The following CRTAP variants were observed in gnomAD, a reference collection of about 807,000 sequenced individuals.
The protein encoded by CRTAP is cartilage associated protein, also known as cartilage-associated protein.
Under a neutral mutation model 42.7 loss-of-function variants are expected in CRTAP, and 33 were observed. That is an observed-to-expected ratio of 0.77 (90% CI 0.59 to 1.03). The LOEUF is 1.03. CRTAP is among the 50% of genes least tolerant of loss of function. The probability of loss-of-function intolerance (pLI) is 0.00; values close to 1 mark genes in which losing one functional copy is unlikely to be tolerated. For missense variants in CRTAP, 613 were observed against 533.9 expected (o/e 1.15, Z -1.46); for synonymous variants, 243 against 217.7 (o/e 1.12, Z -1.02).
chr3:33,138,336 G>A (rs1447039895), intron 6 of CRTAP, among the ~76,000 whole-genome samples: 1 of 152,118 alleles, frequency 6.6e-6, no homozygotes, highest in African/African-American at 2.4e-5. Flanking sequence ...TCTCTTTGGG[G>A]AGTATTGGCT....
At chr3:33,126,361 T>C (rs6550209) in intron 3 of CRTAP, among the ~76,000 whole-genome samples, 123,704 of 152,196 alleles carry the variant, frequency 0.81, 50,375 homozygotes, top group East Asian at 0.97. Flanking sequence ...TATTGAAGAA[T>C]CTGCATTTTT....
At chr3:33,137,069 CTTTT>C (rs143950038) in intron 6 of CRTAP, among the ~76,000 whole-genome samples, 1 of 150,122 alleles carries the variant, frequency 6.7e-6, no homozygotes, top group East Asian at 2.0e-4. Flanking sequence ...TTAATATTGT[CTTTT>C]TTTTTTAATA....
At chr3:33,121,471 A>G (rs1280954997) in intron 2 of CRTAP, among the ~76,000 whole-genome samples, 1 of 150,984 alleles carries the variant, frequency 6.6e-6, no homozygotes, top group Non-Finnish European at 1.5e-5. Context: ...TATAGTTCCC[A>G]AGGCCTGACC....
intron 6 of CRTAP, among the ~76,000 whole-genome samples, chr3:33,138,189 A>T (rs1471242985): frequency 1.3e-5 from 2 of 152,134 alleles, no homozygotes; most frequent in Admixed American, 1.3e-4. Flanking sequence ...TGAGTCCTCC[A>T]ACGTTGTTCT....
At chr3:33,136,008 C>T (rs2030409823) in intron 6 of CRTAP, among the ~76,000 whole-genome samples, 1 of 152,196 alleles carries the variant, frequency 6.6e-6, no homozygotes, top group South Asian at 2.1e-4. Flanking sequence ...AAAAGAAACT[C>T]CATAGCTAAG....
intron 6 of CRTAP, among the ~76,000 whole-genome samples, chr3:33,142,138 TCA>T (rs1411679864): frequency 6.6e-6 from 1 of 152,144 alleles, no homozygotes; most frequent in African/African-American, 2.4e-5. Context: ...GTAGAGCTGT[TCA>T]CAGGCTGGGC....
In CRTAP at chr3:33,129,985, C is replaced by A. The variant is rs751486898; in HGVS notation, c.840C>A (p.Asn280Lys). ...AATGCAAAATACAGTGTGAAGAGAA[C>A]CTCACCCCAGTTATAGGAGGCTATC... ...VLECKIQCEE[N>K]LTPVIGGYPV... is the part of the protein sequence containing the mutation. The change falls in exon 4 of 7, where the codon AAC (asparagine) becomes AAA (lysine). Residue 280 changes from asparagine to lysine, a missense_variant. Coordinates refer to ENST00000320954, the MANE Select transcript of CRTAP (RefSeq NM_006371.5). 6.2e-7 allele frequency: 1 copy of A among 1,613,080 alleles called. No homozygotes were observed. Among genetic ancestry groups the A allele is most frequent in the Non-Finnish European group, 8.5e-7 (1 of 1,179,084 alleles).
intron 1 of CRTAP, among the ~76,000 whole-genome samples, chr3:33,117,142 T>C (rs1376177746): frequency 6.6e-6 from 1 of 152,134 alleles, no homozygotes; most frequent in Non-Finnish European, 1.5e-5. Context: ...TAAACTCTGT[T>C]TATGGATAGA....
intron 2 of CRTAP, among the ~76,000 whole-genome samples, chr3:33,122,360 T>G (rs1021031953): frequency 6.6e-6 from 1 of 151,950 alleles, no homozygotes; most frequent in African/African-American, 2.4e-5. Context: ...AAAGGCTCCT[T>G]CAGTTCTCAG....
chr3:33,121,564 G>C (rs759827468), intron 2 of CRTAP, among the ~76,000 whole-genome samples: 1 of 151,964 alleles, frequency 6.6e-6, no homozygotes. Flanking sequence ...TCTCTTTTTG[G>C]GGGTATCTGT....
chr3:33,114,379 C>A lies in CRTAP; in HGVS notation c.302C>A (p.Ala101Asp). Residue 101 changes from alanine (A) to aspartate (D), a missense_variant, in exon 1 of 7, where the codon GCC (alanine) becomes GAC (aspartate). Coordinates refer to ENST00000320954, the MANE Select transcript of CRTAP (RefSeq NM_006371.5). ...APQPEPAAGL[A>D]SYPELRLFGG... ...CAGCCCGAGCCCGCCGCCGGCCTCG[C>A]CAGCTATCCCGAGCTGCGCCTCTTC... The A allele has an allele frequency of 6.5e-7, 1 of 1,527,940 alleles. No homozygotes were observed. Among genetic ancestry groups the A allele is most frequent in the Non-Finnish European group, 8.7e-7 (1 of 1,143,462 alleles). 94.6% of individuals were successfully genotyped at this position (1,527,940 alleles called of 1,614,324 possible).
Position 33,147,136 on chromosome 3 carries a change from A to G in CRTAP, c.*4688A>G, listed in dbSNP as rs1255052077. On this transcript the variant is annotated 3_prime_UTR_variant, in exon 7 of 7. Coordinates refer to ENST00000320954, the MANE Select transcript of CRTAP (RefSeq NM_006371.5). ...TGACCTAGTGTGGAGAGTTTAAACT[A>G]TGTACAAGGGAGGAAAGAAAAAAAG... 6.5e-6 allele frequency: 1 copy of G among 152,676 alleles called. No homozygotes were observed. The highest frequency in any genetic ancestry group is 2.4e-5 in the African/African-American group (1 of 41,436). The allele number at this position is 152,676 out of a possible 1,614,324, so 9.5% of individuals were successfully genotyped here. A position where few individuals can be genotyped will look rare whatever the true frequency, so the allele number is the denominator to read the frequency against.
At position 33,134,176 on chromosome 3, in the gene CRTAP, G is replaced by A. The variant is rs1262317574; in HGVS notation, c.1069-6G>A. ...CTATAAACTGTTCTCTGTTGTGTCT[G>A]AACAGGAAGCAGTTCAGTTCTTTAA... On this transcript the variant is annotated splice_region_variant and splice_polypyrimidine_tract_variant and intron_variant, in intron 5 of 6. Transcript: ENST00000320954. The A allele has an allele frequency of 1.2e-6, 2 of 1,606,804 alleles. No homozygotes were observed. The highest frequency in any genetic ancestry group is 2.2e-5 in the South Asian group (2 of 90,920).
At chr3:33,122,889 G>T (rs2029925964) in intron 2 of CRTAP, among the ~76,000 whole-genome samples, 1 of 152,036 alleles carries the variant, frequency 6.6e-6, no homozygotes, top group African/African-American at 2.4e-5. Flanking sequence ...CTGCAAGTTA[G>T]CAGGTTTTGT....
At chr3:33,130,203 A>C in intron 4 of CRTAP, 136 bp downstream of exon 4, 1 of 880,516 alleles carries the variant, frequency 1.1e-6, no homozygotes, top group East Asian at 2.7e-5. Context: ...TGCTTTGCAC[A>C]AAAAGGCAGC....
At chr3:33,141,194 G>A (rs761562480) in intron 6 of CRTAP, among the ~76,000 whole-genome samples, 23 of 152,020 alleles carry the variant, frequency 1.5e-4, no homozygotes, top group Non-Finnish European at 3.1e-4. Context: ...GTGCTGCCTC[G>A]GGCACTTATT....
Position 33,142,382 on chromosome 3 carries a change from T to C in CRTAP, c.1153-13T>C. 6.2e-7 allele frequency: 1 copy of C among 1,612,924 alleles called. No individual in the cohort carries two copies. Among genetic ancestry groups the C allele is most frequent in the African/African-American group, 1.3e-5 (1 of 75,020 alleles). The stretch of plus-strand genomic sequence containing the variant: ...TAGCCCATTTAATAAAGTTGTCCTG[T>C]TGTCTCTTACAGGGAGAAGTTGTGG... On this transcript the variant is annotated splice_polypyrimidine_tract_variant and intron_variant, in intron 6 of 6. Transcript: ENST00000320954.
chr3:33,129,297 T>C (rs548549716), intron 3 of CRTAP, among the ~76,000 whole-genome samples: 1 of 152,322 alleles, frequency 6.6e-6, no homozygotes, highest in East Asian at 1.9e-4. Flanking sequence ...AATACTACAG[T>C]ATGAATTTGT....
chr3:33,134,101 C>A, intron 5 of CRTAP, 81 bp from the exon 6 acceptor site: 1 of 940,364 alleles, frequency 1.1e-6, no homozygotes. Flanking sequence ...TAGAAAAAAC[C>A]CCATATCCTG....
Sources: gnomAD v4.1 joint callset for allele counts (sites outside exome capture counted in the v4.1 genomes callset) on GRCh38, gnomAD v4.1.1 for gene constraint, MANE v1.5 for transcripts, NCBI Gene and HGNC (gene_info 2026-07-23, HGNC 2026-07-21) for gene names.